Variants in RBFOX1 observed in about 807,000 individuals in gnomAD.
The protein encoded by RBFOX1 is RNA binding fox-1 homolog 1.
RBFOX1 carries 8 observed loss-of-function variants against 57.7 expected under a neutral mutation model. That is an observed-to-expected ratio of 0.14 (90% CI 0.08 to 0.25). The LOEUF (loss-of-function observed/expected upper bound fraction) is 0.25. Ranked by LOEUF, RBFOX1 falls within the 10% of genes least tolerant of loss-of-function variation. RBFOX1 has a pLI of 1.00. For missense variants in RBFOX1, 611 were observed against 548.5 expected (o/e 1.11, Z -1.14); for synonymous variants, 326 against 222.4 (o/e 1.47, Z -4.15).
intron 2 of RBFOX1, among the ~76,000 whole-genome samples, chr16:6,446,029 A>AT (rs1322293360): frequency 6.6e-6 from 1 of 151,948 alleles, no homozygotes; most frequent in Non-Finnish European, 1.5e-5. Flanking sequence ...CACTGGCGTG[A>AT]TTATAGCTCA....
chr16:5,560,018 T>C (rs28728411), intron 2 of RBFOX1, among the ~76,000 whole-genome samples: 32,629 of 152,182 alleles, frequency 0.21, 3,714 homozygotes, highest in South Asian at 0.35. Flanking sequence ...CGAGTGAATT[T>C]AGTTCTCTTG....
At chr16:7,183,913 T>A (rs1404043224) in intron 4 of RBFOX1, among the ~76,000 whole-genome samples, 1 of 152,110 alleles carries the variant, frequency 6.6e-6, no homozygotes, top group Non-Finnish European at 1.5e-5. Context: ...AGGGGATAGA[T>A]GGGAATTAAT....
intron 1 of RBFOX1, among the ~76,000 whole-genome samples, chr16:6,107,372 C>T (rs917301873): frequency 1.3e-5 from 2 of 152,036 alleles, no homozygotes; most frequent in East Asian, 1.9e-4. Flanking sequence ...TTGAGATAAC[C>T]TCTTTCTTAT....
At chr16:5,356,099 A>G (rs892552264) in intron 1 of RBFOX1, among the ~76,000 whole-genome samples, 3 of 152,174 alleles carry the variant, frequency 2.0e-5, no homozygotes, top group Non-Finnish European at 1.5e-5. Flanking sequence ...TCAAGTAAAA[A>G]TAAAGGAAGA....
intron 3 of RBFOX1, among the ~76,000 whole-genome samples, chr16:6,941,800 G>C (rs1160188569): frequency 6.6e-6 from 1 of 152,112 alleles, no homozygotes; most frequent in Admixed American, 6.6e-5. Context: ...CCCTATTGGA[G>C]GACCTAACAA....
intron 14 of RBFOX1, among the ~76,000 whole-genome samples, chr16:7,698,739 A>G (rs991096999): frequency 6.6e-6 from 1 of 152,134 alleles, no homozygotes; most frequent in Non-Finnish European, 1.5e-5. Context: ...TGTGATATGT[A>G]TTATAATAGG....
intron 3 of RBFOX1, among the ~76,000 whole-genome samples, chr16:5,689,041 A>G (rs977257014): frequency 1.8e-4 from 27 of 152,198 alleles, no homozygotes; most frequent in Non-Finnish European, 3.2e-4. Flanking sequence ...TTTTATTTTG[A>G]CATCTTGTGT....
chr16:6,417,786 T>G (rs1442280671), intron 2 of RBFOX1, among the ~76,000 whole-genome samples: 34 of 152,132 alleles, frequency 2.2e-4, no homozygotes, highest in Admixed American at 2.1e-3. Flanking sequence ...GTTTTTTTTT[T>G]TTTACAGATT....
chr16:5,761,366 T>C (rs11076962), intron 3 of RBFOX1, among the ~76,000 whole-genome samples: 38,578 of 152,116 alleles, frequency 0.25, 5,687 homozygotes, highest in East Asian at 0.57. Flanking sequence ...TTGGTAGTTA[T>C]TTATTTCCCA....
At chr16:6,553,709 G>C (rs1006670104) in intron 2 of RBFOX1, among the ~76,000 whole-genome samples, 2 of 152,160 alleles carry the variant, frequency 1.3e-5, no homozygotes, top group Non-Finnish European at 2.9e-5. Flanking sequence ...TTCTATGAAT[G>C]GTTGGAAGAA....
intron 14 of RBFOX1, among the ~76,000 whole-genome samples, chr16:7,699,070 CCT>C (rs1347149335): frequency 6.6e-6 from 1 of 152,128 alleles, no homozygotes; most frequent in East Asian, 1.9e-4. Context: ...TTCCCCTGCC[CCT>C]GAGATTCTGA....
chr16:7,494,830 CTTTTTTTT>C (rs61434992), intron 4 of RBFOX1, among the ~76,000 whole-genome samples: 44 of 125,442 alleles, frequency 3.5e-4, no homozygotes, highest in Admixed American at 8.4e-4. Context: ...GTGTTACCTA[CTTTTTTTT>C]TTTTTTTTTT....
At chr16:6,828,848 G>T (rs1207999851) in intron 3 of RBFOX1, among the ~76,000 whole-genome samples, 3 of 152,052 alleles carry the variant, frequency 2.0e-5, no homozygotes, top group Non-Finnish European at 4.4e-5. Context: ...CCTTTCCCAG[G>T]AATTTTCATA....
At chr16:5,820,173 G>C (rs2055792616) in intron 3 of RBFOX1, among the ~76,000 whole-genome samples, 1 of 152,220 alleles carries the variant, frequency 6.6e-6, no homozygotes, top group Non-Finnish European at 1.5e-5. Context: ...GGAGGAAGCA[G>C]AGCTCATGGG....
intron 3 of RBFOX1, among the ~76,000 whole-genome samples, chr16:6,887,710 T>A (rs2064421117): frequency 1.3e-5 from 2 of 151,878 alleles, no homozygotes; most frequent in Non-Finnish European, 2.9e-5. Flanking sequence ...TCACCCAGGT[T>A]GGAGTGCCCT....
At chr16:6,652,315 G>A (rs370418621) in intron 2 of RBFOX1, among the ~76,000 whole-genome samples, 1 of 152,090 alleles carries the variant, frequency 6.6e-6, no homozygotes, top group Non-Finnish European at 1.5e-5. Flanking sequence ...GGGGGTTGTG[G>A]TGCATGTCGG....
At chr16:6,256,436 G>A (rs1325351947) in intron 1 of RBFOX1, among the ~76,000 whole-genome samples, 3 of 151,124 alleles carry the variant, frequency 2.0e-5, no homozygotes, top group Non-Finnish European at 4.4e-5. Context: ...CCCTTCGAGA[G>A]CAGAGTTCAT....
intron 3 of RBFOX1, among the ~76,000 whole-genome samples, chr16:6,949,593 C>T (rs1032699209): frequency 1.3e-5 from 2 of 151,754 alleles, no homozygotes; most frequent in African/African-American, 4.8e-5. Flanking sequence ...TTTTTTGTGC[C>T]TACGTGCATC....
chr16:7,091,844 A>G (rs770953967), intron 4 of RBFOX1, among the ~76,000 whole-genome samples: 4 of 152,360 alleles, frequency 2.6e-5, no homozygotes, highest in Admixed American at 6.5e-5. Flanking sequence ...TGTAGATTCT[A>G]TGTGGATCAG....
Sources: gnomAD v4.1 joint callset for allele counts (sites outside exome capture counted in the v4.1 genomes callset) on GRCh38, gnomAD v4.1.1 for gene constraint, MANE v1.5 for transcripts, NCBI Gene and HGNC (gene_info 2026-07-23, HGNC 2026-07-21) for gene names.